Variants in TRIM31 observed in about 807,000 individuals in gnomAD.
TRIM31 encodes the protein tripartite motif containing 31.
A neutral mutation model predicts 40.6 loss-of-function variants in TRIM31; 31 were observed. That is an observed-to-expected ratio of 0.76 (90% CI 0.57 to 1.03). The LOEUF (loss-of-function observed/expected upper bound fraction) is 1.03, where lower values mean the gene tolerates loss of function less well. Among genes scored for constraint, TRIM31 ranks in the 50% least tolerant of loss-of-function variants. The pLI, the probability that TRIM31 is intolerant of heterozygous loss-of-function variation, is 0.00. For synonymous variants in TRIM31, 164 were observed against 193.9 expected, an observed-to-expected ratio of 0.85 and a Z score of 1.28; for missense variants, 455 against 497.5, an observed-to-expected ratio of 0.91 and a Z score of 0.81.
At chr6:30,111,814 T>C in intron 2 of TRIM31, 71 bp from the exon 3 acceptor site, 1 of 1,404,552 alleles carries the variant, frequency 7.1e-7, no homozygotes, top group Non-Finnish European at 1.0e-6. Flanking sequence ...TCCTGGTCTC[T>C]TAGGAGAGCT....
At chr6:30,103,818 G>A in intron 8 of TRIM31, 29 bp from the exon 9 acceptor site, 1 of 1,611,314 alleles carries the variant, frequency 6.2e-7, no homozygotes, top group South Asian at 1.1e-5. Context: ...GGAGAAAAGA[G>A]GTCAGCGGGA....
At chr6:30,109,166 GTC>G in intron 4 of TRIM31, 118 bp from the exon 5 acceptor site, 1 of 1,006,554 alleles carries the variant, frequency 9.9e-7, no homozygotes, top group African/African-American at 1.6e-5. Context: ...ACCCCTCCAA[GTC>G]TCTCTTACCC....
Position 30,103,700 on chromosome 6 carries a change from A to G in TRIM31, c.1114T>C (p.Phe372Leu). 1.2e-6 allele frequency: 2 copies of G among 1,613,042 alleles called. No homozygotes were observed. Among genetic ancestry groups the G allele is most frequent in the Non-Finnish European group, 1.7e-6 (2 of 1,180,016 alleles). Residue 372 changes from phenylalanine to leucine, a missense_variant, in exon 9 of 9, where the codon TTT becomes CTT. Transcript: ENST00000376734. ...TAAGAGGCCAGGAGACATACTGGAA[A>G]AGTGACTTTCCCAGCAGACGAGGCC... The part of the protein sequence containing the change: ...FRASSAGKVT[F>L]PVCLLASYDE...
At chr6:30,103,998 CATTCATTT>C (rs1768451812) in intron 8 of TRIM31, 96 bp downstream of exon 8, 4 of 1,374,148 alleles carry the variant, frequency 2.9e-6, no homozygotes, top group Non-Finnish European at 4.1e-6. Flanking sequence ...TAAATGAATT[CATTCATTT>C]ATTCATTTAT....
chr6:30,103,441 T>G lies in TRIM31; in HGVS notation c.*95A>C. 1.3e-6 allele frequency: 2 copies of G among 1,558,178 alleles called. No individual in the cohort carries two copies. The highest frequency in any genetic ancestry group is 8.7e-7 in the Non-Finnish European group (1 of 1,154,168). The stretch of plus-strand genomic sequence containing the variant: ...ACTCCTTCGACCCAATTCCACTAAG[T>G]CAAGAACCGTGGTCGGTCTCAGCCA... On this transcript the variant is annotated 3_prime_UTR_variant, in exon 9 of 9. Transcript: ENST00000376734.
rs141626146 is a variant in TRIM31 at position 30,108,144 on chromosome 6, G to A, written c.792C>T (p.Asn264=). Residue 264 remains asparagine, a synonymous_variant, in exon 6 of 9, where the codon AAC becomes AAT. Transcript: ENST00000376734. ...CCAGTTCCAGAGGAACAGGGGTTGG[G>A]TTGAGAAACTGAAACTCTTCACTTC... The part of the protein sequence containing the change: ...LCRSEEFQFL[N]PTPVPLELEK... The A allele has an allele frequency of 3.6e-5, 58 of 1,612,248 alleles. No individual in the cohort carries two copies. Among genetic ancestry groups the A allele is most frequent in the Non-Finnish European group, 4.8e-5 (57 of 1,179,408 alleles).
Position 30,105,255 on chromosome 6 carries a change from G to A in TRIM31, c.884-13C>T. 1 of 1,607,798 alleles carries A rather than the reference G, an allele frequency of 6.2e-7. No individual in the cohort carries two copies. The highest frequency in any genetic ancestry group is 2.2e-5 in the East Asian group (1 of 44,852). On this transcript the variant is annotated splice_polypyrimidine_tract_variant and intron_variant, in intron 6 of 8. Transcript: ENST00000376734. ...GCCTGGAGTTGGTCTGGGGAATAAA[G>A]AATGGGATGAAATGGTGAGAGTCCA...
At chr6:30,106,635 G>A (rs1582489148) in intron 6 of TRIM31, among the ~76,000 whole-genome samples, 1 of 152,226 alleles carries the variant, frequency 6.6e-6, no homozygotes, top group East Asian at 1.9e-4. Context: ...GTGGGAGTTG[G>A]GGGACTGTGT....
In TRIM31 at chr6:30,108,096, T is replaced by G. The variant is rs1288329930; in HGVS notation, c.840A>C (p.Lys280Asn). ...LELEKKLSEA[K>N]SRHDSITGSL... Reference sequence around the variant, plus strand: ...TCCCTGTGATGGAGTCATGTCTTGATTTTGCTTCACTGAGTTTTTTCTCCA... The same window carrying G: ...TCCCTGTGATGGAGTCATGTCTTGAGTTTGCTTCACTGAGTTTTTTCTCCA... Residue 280 changes from lysine to asparagine, a missense_variant, in exon 6 of 9, where the codon AAA becomes AAC. By Grantham distance (94) the Lys-to-Asn change is moderately conservative. Coordinates refer to ENST00000376734, the MANE Select transcript of TRIM31 (RefSeq NM_007028.5). 1 of 1,611,664 alleles carries G rather than the reference T, an allele frequency of 6.2e-7. No homozygotes were observed. Among genetic ancestry groups the G allele is most frequent in the East Asian group, 2.2e-5 (1 of 44,880 alleles).
In TRIM31 at chr6:30,110,496, A is replaced by C. The variant is rs1769186241; in HGVS notation, c.696T>G (p.Val232=). 6.2e-7 allele frequency: 1 copy of C among 1,613,990 alleles called. No homozygotes were observed. Among genetic ancestry groups the C allele is most frequent in the Admixed American group, 1.7e-5 (1 of 60,002 alleles). ...EPQLNDLKKL[V]DSLKTKQNMP... Reference sequence around the variant, plus strand: ...TGTTCTGCTTGGTCTTCAGGGAATCAACGAGCTTCTTGAGATCGTTCAACT... The same window carrying C: ...TGTTCTGCTTGGTCTTCAGGGAATCCACGAGCTTCTTGAGATCGTTCAACT... The change falls in exon 4 of 9, where the codon GTT becomes GTG. Residue 232 remains valine (V), a synonymous_variant. Transcript: ENST00000376734.
At chr6:30,111,028 G>GTTTTT (rs1769253400) in intron 3 of TRIM31, among the ~76,000 whole-genome samples, 2 of 107,504 alleles carry the variant, frequency 1.9e-5, no homozygotes, top group African/African-American at 6.5e-5. Flanking sequence ...TTTTCCTTCT[G>GTTTTT]TCTTTTTTTT....
chr6:30,104,265 C>A, intron 7 of TRIM31, 98 bp from the exon 8 acceptor site: 1 of 1,237,996 alleles, frequency 8.1e-7, no homozygotes, highest in Non-Finnish European at 1.2e-6. Flanking sequence ...TCAGAACAGT[C>A]AATGGTTCTC....
At chr6:30,105,076 T>A (rs1252910197) in intron 7 of TRIM31, 92 bp downstream of exon 7, 32 of 1,115,138 alleles carry the variant, frequency 2.9e-5, no homozygotes, top group Non-Finnish European at 4.3e-5. Flanking sequence ...TTCACTTATA[T>A]CTGGCCTTCA....
chr6:30,112,188 C>A (rs1157434305), intron 2 of TRIM31: 3 of 614,042 alleles, frequency 4.9e-6, no homozygotes, highest in African/African-American at 3.7e-5. Flanking sequence ...TTTCCATTCT[C>A]CATTGCACCT....
chr6:30,111,729 C>T lies in TRIM31; in HGVS notation c.432G>A (p.Glu144=). The T allele has an allele frequency of 1.2e-6, 2 of 1,614,232 alleles. No homozygotes were observed. The highest frequency in any genetic ancestry group is 1.7e-6 in the Non-Finnish European group (2 of 1,180,048). The change falls in exon 3 of 9, where the codon GAG becomes GAA. Residue 144 remains glutamate (E), a synonymous_variant. Transcript: ENST00000376734. ...AAQNYQGQIQ[E]QIQVLQQKEK... ...CCTTTTGCTGCAAGACTTGGATCTG[C>T]TCTTGAATCTGCCCCTGCGGAAAGA...
intron 6 of TRIM31, 189 bp from the exon 7 acceptor site, chr6:30,105,431 A>G (rs1768580023): frequency 3.6e-6 from 2 of 558,668 alleles, no homozygotes; most frequent in East Asian, 5.9e-5. Flanking sequence ...TCCTGTGGTG[A>G]CTGCCTAGCC....
chr6:30,103,650 CG>C lies in TRIM31; in HGVS notation c.1163del (p.Ala388GlyfsTer21). 1 of 1,613,054 alleles carries C rather than the reference CG, an allele frequency of 6.2e-7. No homozygotes were observed. The highest frequency in any genetic ancestry group is 8.5e-7 in the Non-Finnish European group (1 of 1,180,042). On this transcript the variant is annotated frameshift_variant, in exon 9 of 9. Coordinates refer to ENST00000376734, the MANE Select transcript of TRIM31 (RefSeq NM_007028.5). LOFTEE classifies it low-confidence loss of function (END_TRUNC). The part of the protein sequence containing the change: ...ASYDEISGQG[A>X]SSQDTKTFDV... ...CAAATGTCTTCGTATCCTGAGAGCT[CG>C]CTCCTTGACCAGAAATCTCATCATA...
chr6:30,103,359 TCACCAC>T lies in TRIM31; in HGVS notation c.*171_*176del. 3.3e-6 allele frequency: 3 copies of T among 895,936 alleles called. No homozygotes were observed. The highest frequency in any genetic ancestry group is 5.1e-6 in the Non-Finnish European group (3 of 583,484). 55.5% of individuals were successfully genotyped at this position (895,936 alleles called of 1,614,324 possible). A position where few individuals can be genotyped will look rare whatever the true frequency, so the allele number is the denominator to read the frequency against. ...TCGTCCATTCCTTCTCCAACTCTCT[TCACCAC>T]CACCCCCGCCCCCATCTCCACTCTC... On this transcript the variant is annotated 3_prime_UTR_variant, in exon 9 of 9. Coordinates refer to ENST00000376734, the MANE Select transcript of TRIM31 (RefSeq NM_007028.5).
chr6:30,104,426 A>G (rs1273439810), intron 7 of TRIM31, among the ~76,000 whole-genome samples: 1 of 152,210 alleles, frequency 6.6e-6, no homozygotes, highest in Non-Finnish European at 1.5e-5. Context: ...GAGCATAACA[A>G]AGATGGCCTT....
Sources: gnomAD v4.1 joint callset for allele counts (sites outside exome capture counted in the v4.1 genomes callset) on GRCh38, gnomAD v4.1.1 for gene constraint, MANE v1.5 for transcripts, NCBI Gene and HGNC (gene_info 2026-07-23, HGNC 2026-07-21) for gene names.